ZNF407: variants seen among roughly 807,000 people sequenced by gnomAD.
ZNF407 encodes zinc finger protein 407.
A neutral mutation model predicts 131.2 loss-of-function variants in ZNF407; 17 were observed. The ratio of observed to expected loss-of-function variants is 0.13; its 90% CI spans 0.09 to 0.19. The LOEUF (loss-of-function observed/expected upper bound fraction) is 0.19, where lower values mean the gene tolerates loss of function less well. Among genes scored for constraint, ZNF407 ranks in the 10% least tolerant of loss-of-function variants. The pLI is 1.00. For synonymous variants in ZNF407, 1,156 were observed against 1,062.0 expected, an observed-to-expected ratio of 1.09 and a Z score of -1.72; for missense variants, 2,681 against 2,830.6, an observed-to-expected ratio of 0.95 and a Z score of 1.20.
intron 8 of ZNF407, among the ~76,000 whole-genome samples, chr18:74,970,755 G>C (rs190339239): frequency 6.6e-6 from 1 of 152,182 alleles, no homozygotes; most frequent in Admixed American, 6.5e-5. Flanking sequence ...CAGTGGATCT[G>C]CCATTCTGGG....
chr18:74,800,622 G>A (rs1307479408), intron 4 of ZNF407, among the ~76,000 whole-genome samples: 3 of 151,978 alleles, frequency 2.0e-5, no homozygotes, highest in Admixed American at 2.0e-4. Context: ...AGAATTATAC[G>A]AAGATAATTG....
At chr18:74,794,350 A>T (rs1176411844) in intron 4 of ZNF407, among the ~76,000 whole-genome samples, 1 of 151,968 alleles carries the variant, frequency 6.6e-6, no homozygotes, top group Non-Finnish European at 1.5e-5. Flanking sequence ...TAGTGGCGTA[A>T]TTCATAGTTT....
intron 8 of ZNF407, among the ~76,000 whole-genome samples, chr18:74,961,716 T>TAA (rs11356218): frequency 1.1e-4 from 15 of 140,574 alleles, no homozygotes; most frequent in African/African-American, 3.9e-4. Context: ...CTGTCTCAAT[T>TAA]AAAAAAAAAA....
chr18:74,633,163 G>T lies in ZNF407; in HGVS notation c.2144G>T (p.Arg715Ile), dbSNP rs551548162. ...TGTAAGAAGTGTTTTTATAAAACAAGATCTTCTACTGTTCTCACGAGACAT... is the reference window on the plus strand; with the variant it reads ...TGTAAGAAGTGTTTTTATAAAACAATATCTTCTACTGTTCTCACGAGACAT... ...FQCKKCFYKT[R>I]SSTVLTRHIK... is the part of the protein sequence containing the mutation. The change falls in exon 2 of 9, where the codon AGA (arginine) becomes ATA (isoleucine). Residue 715 changes from arginine (R) to isoleucine (I), a missense_variant. By Grantham distance (97) the Arg-to-Ile change is moderately conservative. This residue lies in a region of ZNF407 where 1,789 missense variants were observed against 1,748.7 expected (regional missense o/e 1.02). Coordinates refer to ENST00000299687, the MANE Select transcript of ZNF407 (RefSeq NM_017757.3). The T allele has an allele frequency of 3.1e-5, 50 of 1,613,046 alleles. No homozygotes were observed. The highest frequency in any genetic ancestry group is 1.3e-4 in the Admixed American group (8 of 59,838).
chr18:74,966,017 T>C (rs2145297718), intron 8 of ZNF407, among the ~76,000 whole-genome samples: 1 of 152,346 alleles, frequency 6.6e-6, no homozygotes, highest in South Asian at 2.1e-4. Flanking sequence ...TTATTAGATT[T>C]TTTTCCTTAA....
chr18:74,739,805 C>T (rs1251677795), intron 3 of ZNF407, among the ~76,000 whole-genome samples: 1 of 152,076 alleles, frequency 6.6e-6, no homozygotes, highest in Admixed American at 6.6e-5. Context: ...AATAACCCAA[C>T]TTGTATGACA....
At chr18:74,832,508 G>T (rs1323316199) in intron 4 of ZNF407, among the ~76,000 whole-genome samples, 2 of 151,682 alleles carry the variant, frequency 1.3e-5, no homozygotes, top group African/African-American at 4.8e-5. Flanking sequence ...AGGCTGGAGT[G>T]CAGTAGTATG....
intron 3 of ZNF407, among the ~76,000 whole-genome samples, chr18:74,734,951 G>A (rs539688319): frequency 6.6e-6 from 1 of 152,044 alleles, no homozygotes; most frequent in African/African-American, 2.4e-5. Context: ...TTACCTCTTA[G>A]TTGCCAAATA....
intron 8 of ZNF407, among the ~76,000 whole-genome samples, chr18:74,976,523 T>C (rs1972530598): frequency 1.3e-5 from 2 of 152,188 alleles, no homozygotes; most frequent in African/African-American, 4.8e-5. Flanking sequence ...GTTAGGGCAA[T>C]TGGCACAAAG....
intron 1 of ZNF407, among the ~76,000 whole-genome samples, chr18:74,616,174 G>C (rs943187783): frequency 1.3e-5 from 2 of 152,138 alleles, no homozygotes; most frequent in African/African-American, 4.8e-5. Context: ...TCTTTCATAC[G>C]TGACATTCTG....
At chr18:74,996,247 G>A (rs146741668) in intron 8 of ZNF407, among the ~76,000 whole-genome samples, 9 of 152,090 alleles carry the variant, frequency 5.9e-5, no homozygotes, top group East Asian at 5.8e-4. Context: ...TTTTCACAGC[G>A]GTGGCTTTTG....
intron 4 of ZNF407, among the ~76,000 whole-genome samples, chr18:74,839,674 A>C (rs1336669060): frequency 2.0e-5 from 3 of 152,202 alleles, no homozygotes; most frequent in Non-Finnish European, 2.9e-5. Flanking sequence ...GAATCCATTG[A>C]AAATGCATTG....
At chr18:74,802,475 A>G (rs1970036281) in intron 4 of ZNF407, among the ~76,000 whole-genome samples, 1 of 152,176 alleles carries the variant, frequency 6.6e-6, no homozygotes, top group South Asian at 2.1e-4. Flanking sequence ...ACAACCGACA[A>G]TGTGTGGTAG....
At chr18:74,628,730 T>A (rs1056538172) in intron 1 of ZNF407, among the ~76,000 whole-genome samples, 1 of 152,086 alleles carries the variant, frequency 6.6e-6, no homozygotes, top group African/African-American at 2.4e-5. Flanking sequence ...CACAGGCACT[T>A]GGCACTAATT....
chr18:74,782,171 T>C (rs751043043), intron 4 of ZNF407, among the ~76,000 whole-genome samples: 1 of 152,174 alleles, frequency 6.6e-6, no homozygotes, highest in Non-Finnish European at 1.5e-5. Flanking sequence ...GTATAAGCAT[T>C]AGTACTTTCC....
intron 1 of ZNF407, among the ~76,000 whole-genome samples, chr18:74,608,355 C>CTTTTTTTTTTTTTTTTT (rs375136326): frequency 1.4e-5 from 2 of 146,498 alleles, no homozygotes; most frequent in African/African-American, 2.5e-5. Context: ...TTTTAGATTT[C>CTTTTTTTTTTTTTTTTT]TTTTTTTTTT....
intron 7 of ZNF407, among the ~76,000 whole-genome samples, chr18:74,914,014 A>G (rs1971711436): frequency 6.6e-6 from 1 of 152,194 alleles, no homozygotes; most frequent in Admixed American, 6.5e-5. Flanking sequence ...TAAATTCTGT[A>G]CGTCAAAGCT....
chr18:74,849,063 TTTTA>T (rs1215160411), intron 4 of ZNF407, among the ~76,000 whole-genome samples: 2 of 146,108 alleles, frequency 1.4e-5, no homozygotes, highest in African/African-American at 5.0e-5. Context: ...TTTTTTTTTT[TTTTA>T]TTTTTTATTT....
intron 7 of ZNF407, among the ~76,000 whole-genome samples, chr18:74,899,933 C>T (rs1038688679): frequency 4.6e-5 from 7 of 152,166 alleles, no homozygotes; most frequent in Non-Finnish European, 8.8e-5. Context: ...TGCCTTGAGG[C>T]GGCTCTGTGA....
Sources: allele counts gnomAD v4.1 joint callset (sites outside exome capture counted in the v4.1 genomes callset), GRCh38; gene constraint gnomAD v4.1.1; regional missense constraint gnomAD v4.1.1; transcripts MANE v1.5; gene names NCBI Gene and HGNC (gene_info 2026-07-23, HGNC 2026-07-21).